The following FAM200B variants were observed in gnomAD, a reference collection of about 807,000 sequenced individuals.
The protein encoded by FAM200B is zinc finger BED-type containing 11.
A neutral mutation model predicts 33.1 loss-of-function variants in FAM200B; 32 were observed. The ratio of observed to expected loss-of-function variants is 0.97; its 90% CI spans 0.73 to 1.30. The LOEUF (loss-of-function observed/expected upper bound fraction) is 1.30, where lower values mean the gene tolerates loss of function less well. Among genes scored for constraint, FAM200B ranks in the 50% most tolerant of loss-of-function variants. FAM200B has a pLI of 0.00. For synonymous variants in FAM200B, 240 were observed against 264.8 expected (o/e 0.91, Z 0.91); for missense variants, 741 against 754.0 (o/e 0.98, Z 0.20).
At chr4:15,682,596 G>A (rs1413055312) in intron 1 of FAM200B, among the ~76,000 whole-genome samples, 1 of 152,174 alleles carries the variant, frequency 6.6e-6, no homozygotes, top group East Asian at 1.9e-4. Flanking sequence ...ATTTGTCAGT[G>A]TTGTGTAACT....
At chr4:15,655,824 C>T in the FAM200B span, among the ~76,000 whole-genome samples, 1 of 152,202 alleles carries the variant, frequency 6.6e-6, no homozygotes, top group Non-Finnish European at 1.5e-5. Flanking sequence ...GCGATTGGCC[C>T]GTGCCAGATT....
chr4:15,678,920 A>C (rs1224980468), upstream of FAM200B, among the ~76,000 whole-genome samples: 1 of 152,178 alleles, frequency 6.6e-6, no homozygotes, highest in Admixed American at 6.5e-5. Flanking sequence ...TGATATAATG[A>C]ACAAATGCCT....
the FAM200B span, chr4:15,641,513 C>T: frequency 5.5e-5 from 21 of 384,054 alleles, no homozygotes; most frequent in Admixed American, 6.6e-4. Flanking sequence ...ACATTCTTTT[C>T]TCTAGCTTAC....
At chr4:15,671,714 G>C in the FAM200B span, among the ~76,000 whole-genome samples, 18,471 of 151,984 alleles carry the variant, frequency 0.12, 1,373 homozygotes, top group African/African-American at 0.2. Context: ...TACACACTAG[G>C]GTGCTTAAAC....
chr4:15,638,145 G>A, the FAM200B span, among the ~76,000 whole-genome samples: 5 of 151,426 alleles, frequency 3.3e-5, no homozygotes, highest in African/African-American at 1.2e-4. Flanking sequence ...CAGGAAGCAG[G>A]ATGATATCGC....
At chr4:15,655,288 C>T in the FAM200B span, 5 of 1,424,708 alleles carry the variant, frequency 3.5e-6, no homozygotes, top group East Asian at 3.2e-5. Context: ...AGGGCGCCAT[C>T]GCCACTGCCT....
upstream of FAM200B, among the ~76,000 whole-genome samples, chr4:15,680,961 A>G (rs969850252): frequency 2.0e-5 from 3 of 147,080 alleles, no homozygotes; most frequent in African/African-American, 7.5e-5. Context: ...TTTGTTTCAC[A>G]TATATATATA....
chr4:15,688,385 T>C lies in FAM200B; in HGVS notation c.1408T>C (p.Trp470Arg), dbSNP rs1285496166. Residue 470 changes from tryptophan to arginine, a missense_variant, in exon 2 of 2, where the codon TGG becomes CGG. By Grantham distance (101) the Trp-to-Arg change is moderately radical. Coordinates refer to ENST00000422728, the MANE Select transcript of FAM200B (RefSeq NM_001145191.2). ...IQGFRKTLLL[W>R]QVRLKSNRPS... is the part of the protein sequence containing the mutation. Reference sequence around the variant, plus strand: ...GGGATTTCGAAAGACATTATTGTTATGGCAAGTAAGACTTAAAAGTAATCG... The same window carrying C: ...GGGATTTCGAAAGACATTATTGTTACGGCAAGTAAGACTTAAAAGTAATCG... The C allele has an allele frequency of 1.7e-5, 26 of 1,549,672 alleles. No homozygotes were observed. The highest frequency in any genetic ancestry group is 2.4e-5 in the East Asian group (1 of 40,852).
At chr4:15,668,191 A>C in the FAM200B span, among the ~76,000 whole-genome samples, 1 of 151,736 alleles carries the variant, frequency 6.6e-6, no homozygotes, top group Non-Finnish European at 1.5e-5. Flanking sequence ...AAGTATAAAG[A>C]CAAAAAAAGT....
In FAM200B at chr4:15,687,193, T is replaced by C. The variant is rs1331306291; in HGVS notation, c.216T>C (p.Phe72=). ...RYNEDYLKYG[F]IKCEKPFEND... Reference sequence around the variant, plus strand: ...ATGAAGATTACTTAAAATATGGCTTTATCAAATGTGAAAAACCCTTTGAAA... The same window carrying C: ...ATGAAGATTACTTAAAATATGGCTTCATCAAATGTGAAAAACCCTTTGAAA... Residue 72 remains phenylalanine (F), a synonymous_variant, in exon 2 of 2, where the codon TTT becomes TTC. Transcript: ENST00000422728. 3.2e-6 allele frequency: 5 copies of C among 1,538,550 alleles called. No homozygotes were observed. Among genetic ancestry groups the C allele is most frequent in the South Asian group, 2.5e-5 (2 of 81,178 alleles).
the FAM200B span, among the ~76,000 whole-genome samples, chr4:15,644,168 A>G: frequency 6.6e-6 from 1 of 152,226 alleles, no homozygotes; most frequent in Non-Finnish European, 1.5e-5. Flanking sequence ...CTTCAGCAAG[A>G]ATTTTATAGT....
the FAM200B span, among the ~76,000 whole-genome samples, chr4:15,663,750 G>A: frequency 6.6e-6 from 1 of 151,890 alleles, no homozygotes; most frequent in Admixed American, 6.6e-5. Flanking sequence ...ACAAACACTA[G>A]GTGACTATCA....
At chr4:15,672,851 T>TA in the FAM200B span, among the ~76,000 whole-genome samples, 1 of 152,184 alleles carries the variant, frequency 6.6e-6, no homozygotes, top group Non-Finnish European at 1.5e-5. Context: ...TAGCTTAAAA[T>TA]ACATGTTGTA....
intron 1 of FAM200B, among the ~76,000 whole-genome samples, chr4:15,684,204 T>C (rs1718615458): frequency 6.6e-6 from 1 of 152,272 alleles, no homozygotes; most frequent in Admixed American, 6.5e-5. Context: ...CCCACCTGGG[T>C]TATGGAATCA....
At chr4:15,660,713 CAT>C in the FAM200B span, among the ~76,000 whole-genome samples, 31 of 152,274 alleles carry the variant, frequency 2.0e-4, no homozygotes, top group East Asian at 3.7e-3. Flanking sequence ...TAATCTACAA[CAT>C]GTGTAAAAAG....
chr4:15,661,964 T>C, the FAM200B span, among the ~76,000 whole-genome samples: 2 of 152,342 alleles, frequency 1.3e-5, no homozygotes, highest in African/African-American at 4.8e-5. Context: ...TGGTACTCTC[T>C]ATGGAGTTAC....
chr4:15,688,188 A>C lies in FAM200B; in HGVS notation c.1211A>C (p.Glu404Ala), dbSNP rs1252985916. Reference sequence around the variant, plus strand: ...AGCAGGGTTTATGAGCTCAGGAATGAGATTCACTTTTTTCTCATTGAAAAA... The same window carrying C: ...AGCAGGGTTTATGAGCTCAGGAATGCGATTCACTTTTTTCTCATTGAAAAA... ...ILSRVYELRN[E>A]IHFFLIEKKS... Residue 404 changes from glutamate (E) to alanine (A), a missense_variant, in exon 2 of 2, where the codon GAG (glutamate) becomes GCG (alanine). By Grantham distance (107) the Glu-to-Ala change is moderately radical. Transcript: ENST00000422728. 1.3e-6 allele frequency: 2 copies of C among 1,551,012 alleles called. No homozygotes were observed. The highest frequency in any genetic ancestry group is 2.0e-5 in the Admixed American group (1 of 50,944).
the FAM200B span, among the ~76,000 whole-genome samples, chr4:15,642,566 T>C: frequency 2.6e-5 from 4 of 152,208 alleles, no homozygotes; most frequent in Admixed American, 6.5e-5. Context: ...GAAAATATTT[T>C]ATCTCTGTTA....
At chr4:15,641,620 G>A in the FAM200B span, 1 of 455,590 alleles carries the variant, frequency 2.2e-6, no homozygotes, top group Non-Finnish European at 4.4e-6. Flanking sequence ...CCAGTCAACA[G>A]TAGTAGGCTG....
Sources: allele counts gnomAD v4.1 joint callset (sites outside exome capture counted in the v4.1 genomes callset), GRCh38; gene constraint gnomAD v4.1.1; transcripts MANE v1.5; gene names NCBI Gene and HGNC (gene_info 2026-07-23, HGNC 2026-07-21).